ROCK2: variants seen among roughly 807,000 people sequenced by gnomAD.
The protein encoded by ROCK2 is rho-associated protein kinase 2.
A neutral mutation model predicts 195.1 loss-of-function variants in ROCK2; 61 were observed. That is an observed-to-expected ratio of 0.31 (90% CI 0.25 to 0.39). ROCK2 has a LOEUF of 0.39. Ranked by LOEUF, ROCK2 falls within the 10% of genes least tolerant of loss-of-function variation. The pLI is 1.00. For missense variants in ROCK2, 1,109 were observed against 1,637.4 expected, an observed-to-expected ratio of 0.68 and a Z score of 5.57; for synonymous variants, 504 against 545.5, an observed-to-expected ratio of 0.92 and a Z score of 1.06.
At chr2:11,202,356 G>C (rs933273742) in intron 20 of ROCK2, among the ~76,000 whole-genome samples, 1 of 151,874 alleles carries the variant, frequency 6.6e-6, no homozygotes, top group African/African-American at 2.4e-5. Flanking sequence ...ACATCATTCT[G>C]ATGGCTAAAA....
rs1665183069 is a variant in ROCK2, at chr2:11,235,812, T to C, written c.613A>G (p.Ile205Val). The C allele has an allele frequency of 4.3e-6, 7 of 1,614,036 alleles. No homozygotes were observed. Among genetic ancestry groups the C allele is most frequent in the Non-Finnish European group, 4.2e-6 (5 of 1,179,962 alleles). ...CTGTGTATTAAACCCATGGAGTGTA[T>C]TGCATCCAGAGCAAGAACAACTTCA... ...TAEVVLALDA[I>V]HSMGLIHRDV... The change falls in exon 5 of 33, where the codon ATA becomes GTA. Residue 205 changes from isoleucine to valine, a missense_variant. Ile to Val is a conservative substitution (Grantham distance 29). Coordinates refer to ENST00000315872, the MANE Select transcript of ROCK2 (RefSeq NM_004850.5). This position sits in a 1 kb window ranked among gnomAD's most constrained non-coding sequence, Gnocchi z 4.2.
At chr2:11,304,567 T>C (rs1428105845) in intron 1 of ROCK2, among the ~76,000 whole-genome samples, 2 of 152,214 alleles carry the variant, frequency 1.3e-5, no homozygotes, top group Admixed American at 1.3e-4. Context: ...CTCTCTCTTC[T>C]TAGAATATTT....
At chr2:11,207,020 T>A (rs545639641) in intron 20 of ROCK2, among the ~76,000 whole-genome samples, 12 of 152,250 alleles carry the variant, frequency 7.9e-5, no homozygotes, top group Non-Finnish European at 1.8e-4. Context: ...TGGTCATGAT[T>A]AGGAAGAAGT....
intron 32 of ROCK2, among the ~76,000 whole-genome samples, chr2:11,190,194 G>T (rs1393274694): frequency 2.6e-5 from 4 of 151,812 alleles, no homozygotes; most frequent in African/African-American, 4.8e-5. Flanking sequence ...TGTATTAAAT[G>T]AATTTTTTCA....
intron 5 of ROCK2, chr2:11,234,277 TCCTTAACCAC>T (rs1196612353): frequency 6.6e-6 from 1 of 152,140 alleles, no homozygotes; most frequent in African/African-American, 2.4e-5. Context: ...CACCTTGCTC[TCCTTAACCAC>T]CCTTATCTTC....
At chr2:11,191,474 A>G (rs571085123) in intron 32 of ROCK2, among the ~76,000 whole-genome samples, 2 of 152,300 alleles carry the variant, frequency 1.3e-5, no homozygotes, top group Admixed American at 6.5e-5. Context: ...ATCACACTCA[A>G]GTTACTGTTT....
intron 4 of ROCK2, among the ~76,000 whole-genome samples, chr2:11,240,255 C>T (rs566096546): frequency 2.3e-4 from 35 of 152,290 alleles, no homozygotes; most frequent in African/African-American, 7.2e-4. Flanking sequence ...TCTTTTGTAG[C>T]GGTCAGCCCT....
chr2:11,267,384 A>G (rs1360611156), intron 3 of ROCK2, among the ~76,000 whole-genome samples: 1 of 152,150 alleles, frequency 6.6e-6, no homozygotes, highest in African/African-American at 2.4e-5. Context: ...CTAGGATTCA[A>G]CTACTATATA....
chr2:11,271,413 T>G (rs933058087), intron 3 of ROCK2, among the ~76,000 whole-genome samples: 2 of 152,192 alleles, frequency 1.3e-5, no homozygotes, highest in African/African-American at 4.8e-5. Flanking sequence ...AGCTCAGGTT[T>G]TCCTACCTCA....
chr2:11,326,640 T>C lies in ROCK2; in HGVS notation c.141+17356A>G, dbSNP rs370428295. Among the ~76,000 whole-genome samples the C allele has an allele frequency of 7.9e-5, 12 of 152,278 alleles. No homozygotes were observed. The South Asian group carries it at 2.1e-3, about 26-fold the overall frequency. ...AATGAGACTTATGTCTAGGGGTATT[T>C]TGGTTGTTTTATGAACATGTTTATT... On this transcript the variant is annotated intron_variant, in intron 1 of 32. Coordinates refer to ENST00000315872, the MANE Select transcript of ROCK2 (RefSeq NM_004850.5).
intron 1 of ROCK2, among the ~76,000 whole-genome samples, chr2:11,321,657 T>A (rs548845124): frequency 6.6e-6 from 1 of 152,032 alleles, no homozygotes. Context: ...AAGGTAGGAA[T>A]TGAAAGCTGT....
intron 32 of ROCK2, among the ~76,000 whole-genome samples, chr2:11,183,894 A>C (rs995861984): frequency 6.6e-6 from 1 of 152,200 alleles, no homozygotes; most frequent in Non-Finnish European, 1.5e-5. Context: ...GTTGTAGTAA[A>C]TATATACAAG....
intron 3 of ROCK2, among the ~76,000 whole-genome samples, chr2:11,267,505 TAC>T (rs939140245): frequency 2.1e-5 from 3 of 145,530 alleles, no homozygotes; most frequent in African/African-American, 7.7e-5. Context: ...CATTTTCACA[TAC>T]AAAAAAAAAA....
intron 3 of ROCK2, among the ~76,000 whole-genome samples, chr2:11,273,509 AAACAG>A (rs1666720596): frequency 6.6e-6 from 1 of 152,220 alleles, no homozygotes; most frequent in Admixed American, 6.5e-5. Flanking sequence ...TATGATGCAA[AAACAG>A]AACTGAGGGA....
intron 1 of ROCK2, among the ~76,000 whole-genome samples, chr2:11,336,421 T>G (rs1430321916): frequency 6.6e-6 from 1 of 152,168 alleles, no homozygotes; most frequent in Non-Finnish European, 1.5e-5. Context: ...GGCTAATTTT[T>G]TTATTTCTGT....
At chr2:11,199,952 A>G (rs1349274905) in intron 23 of ROCK2, among the ~76,000 whole-genome samples, 1 of 152,218 alleles carries the variant, frequency 6.6e-6, no homozygotes, top group African/African-American at 2.4e-5. Context: ...TACTACCCAT[A>G]GTGAATAAGA....
At chr2:11,305,567 C>G (rs550604851) in intron 1 of ROCK2, among the ~76,000 whole-genome samples, 1 of 152,210 alleles carries the variant, frequency 6.6e-6, no homozygotes, top group East Asian at 1.9e-4. Flanking sequence ...TCATCTAGCA[C>G]TCAGATCTTG....
chr2:11,298,268 G>A (rs1265167851), intron 1 of ROCK2, among the ~76,000 whole-genome samples: 2 of 151,864 alleles, frequency 1.3e-5, no homozygotes, highest in African/African-American at 2.4e-5. Context: ...TCAGGAGTTC[G>A]AGACCAGCCT....
chr2:11,286,830 AAC>A lies in ROCK2; in HGVS notation c.224-193_224-192del, dbSNP rs745609896. ...GAACCAAAACTCTCTATGGTTTATT[AAC>A]ACATATAAATGAACACCACTGACTG... is the stretch of plus-strand genomic sequence containing the variant. On this transcript the variant is annotated intron_variant, in intron 2 of 32. Transcript: ENST00000315872. Among the ~76,000 whole-genome samples the A allele has an allele frequency of 1.2e-4, 19 of 152,346 alleles. No individual in the cohort carries two copies. The South Asian group carries it at 3.3e-3, about 27-fold the overall frequency.
Sources: allele counts gnomAD v4.1 joint callset (sites outside exome capture counted in the v4.1 genomes callset), GRCh38; gene constraint gnomAD v4.1.1; non-coding constraint Gnocchi (gnomAD v3.1); transcripts MANE v1.5; gene names NCBI Gene and HGNC (gene_info 2026-07-23, HGNC 2026-07-21).